Variants in CCDC181 observed in about 807,000 individuals in gnomAD.
CCDC181 encodes coiled-coil domain containing 181.
A neutral mutation model predicts 58.7 loss-of-function variants in CCDC181; 35 were observed. That is an observed-to-expected ratio of 0.60 (90% CI 0.46 to 0.79). The LOEUF is 0.79. CCDC181 is among the 30% of genes least tolerant of loss of function. The pLI is 0.00. For missense variants in CCDC181, 517 were observed against 583.9 expected, an observed-to-expected ratio of 0.89 and a Z score of 1.18; for synonymous variants, 183 against 197.5, an observed-to-expected ratio of 0.93 and a Z score of 0.62.
chr1:169,397,341 C>T lies in CCDC181; in HGVS notation c.1266G>A (p.Lys422=). ...GTCTTTCTTTCATCTGCTCTTCGTG[C>T]TTTTTTTTAAGCCATAATCGAAAAG... ...QQAFRLWLKK[K]HEEQMKERQT... The change falls in exon 5 of 6, where the codon AAG becomes AAA. Residue 422 remains lysine (K), a synonymous_variant. Coordinates refer to ENST00000367806, the MANE Select transcript of CCDC181 (RefSeq NM_001300969.2). 1.2e-6 allele frequency: 2 copies of T among 1,608,936 alleles called. No homozygotes were observed. Among genetic ancestry groups the T allele is most frequent in the Non-Finnish European group, 1.7e-6 (2 of 1,177,572 alleles).
intron 3 of CCDC181, 84 bp downstream of exon 3, chr1:169,421,279 T>C: frequency 9.3e-7 from 1 of 1,075,296 alleles, no homozygotes; most frequent in Non-Finnish European, 1.3e-6. Context: ...TCCAATGGTT[T>C]GAACAACTGT....
rs1299970878 is a variant in CCDC181 at position 169,420,084 on chromosome 1, TAA to T, written c.1069-927_1069-926del. 4.6e-5 allele frequency among the ~76,000 whole-genome samples: 7 copies of T among 152,362 alleles called. No individual in the cohort carries two copies. The East Asian group carries it at 1.3e-3, about 29-fold the overall frequency. ...AGAATTATCCATCCTTCACACCAGTTAAAGACTAACATCAGTTCATTAATAAA... is the reference window on the plus strand; with the variant it reads ...AGAATTATCCATCCTTCACACCAGTTAGACTAACATCAGTTCATTAATAAA... On this transcript the variant is annotated intron_variant, in intron 3 of 5. Transcript: ENST00000367806.
At chr1:169,422,998 A>G (rs1486484663) in intron 2 of CCDC181, among the ~76,000 whole-genome samples, 1 of 149,496 alleles carries the variant, frequency 6.7e-6, no homozygotes, top group Admixed American at 6.7e-5. Context: ...CTTCTGCTGT[A>G]TCTAACTAAA....
rs534709592 is a variant in CCDC181, at chr1:169,419,230, T to G, written c.1069-71A>C. The G allele has an allele frequency of 7.0e-6, 10 of 1,420,386 alleles. No individual in the cohort carries two copies. In the African/African-American group the frequency reaches 1.3e-4, roughly 18 times the overall value. The allele number at this position is 1,420,386 out of a possible 1,614,324, so 88.0% of individuals were successfully genotyped here. A position where few individuals can be genotyped will look rare whatever the true frequency, so the allele number is the denominator to read the frequency against. ...TGTATGAGTTATCAGAGTAGAGAGA[T>G]ATATTTTGAGATCTGAAATTAGGAT... On this transcript the variant is annotated intron_variant, in intron 3 of 5. Transcript: ENST00000367806.
At chr1:169,429,122 G>A (rs1014243826), upstream of CCDC181, among the ~76,000 whole-genome samples, 7 of 152,230 alleles carry the variant, frequency 4.6e-5, no homozygotes, top group Non-Finnish European at 8.8e-5. Flanking sequence ...AGGTAGCTAC[G>A]ATGCCACAAT....
intron 4 of CCDC181, among the ~76,000 whole-genome samples, chr1:169,414,676 C>T (rs1376602636): frequency 1.3e-5 from 2 of 152,120 alleles, no homozygotes; most frequent in African/African-American, 4.8e-5. Flanking sequence ...ATAAAAATTA[C>T]ATCACCTAAG....
chr1:169,403,787 A>G (rs1233340469), intron 4 of CCDC181, among the ~76,000 whole-genome samples: 10 of 152,250 alleles, frequency 6.6e-5, no homozygotes, highest in African/African-American at 1.9e-4. Flanking sequence ...AAAAGCTAGC[A>G]GAAGGCAAGA....
At chr1:169,413,924 CG>C (rs1398718386) in intron 4 of CCDC181, among the ~76,000 whole-genome samples, 6 of 151,880 alleles carry the variant, frequency 4.0e-5, no homozygotes, top group Non-Finnish European at 8.8e-5. Context: ...ATGTAGATGA[CG>C]GGTTGATGGG....
intron 4 of CCDC181, among the ~76,000 whole-genome samples, chr1:169,400,309 C>A (rs972283221): frequency 1.3e-5 from 2 of 152,300 alleles, no homozygotes; most frequent in South Asian, 4.1e-4. Flanking sequence ...AAAACAAAGT[C>A]TGACAGGATC....
At chr1:169,452,420 A>G (rs1017574789) in intron 2 of CCDC181, 2 of 152,124 alleles carry the variant, frequency 1.3e-5, no homozygotes, top group African/African-American at 4.8e-5. Flanking sequence ...AGTAGACAGC[A>G]GTACTGACAG....
upstream of CCDC181, among the ~76,000 whole-genome samples, chr1:169,430,823 C>G (rs561790649): frequency 3.3e-5 from 5 of 152,330 alleles, no homozygotes; most frequent in South Asian, 8.3e-4. Flanking sequence ...CAAATACCCA[C>G]TAGAGGTTTC....
intron 4 of CCDC181, among the ~76,000 whole-genome samples, chr1:169,406,402 G>A (rs908062034): frequency 2.6e-5 from 4 of 152,072 alleles, no homozygotes; most frequent in African/African-American, 4.8e-5. Flanking sequence ...CAACCCAAAC[G>A]TCCAACAATG....
rs774319500 is a variant in CCDC181 at position 169,421,458 on chromosome 1, G to A, written c.973C>T (p.His325Tyr). The A allele has an allele frequency of 1.9e-6, 3 of 1,613,952 alleles. No individual in the cohort carries two copies. Among genetic ancestry groups the A allele is most frequent in the Admixed American group, 3.3e-5 (2 of 59,968 alleles). The change falls in exon 3 of 6, where the codon CAT (histidine) becomes TAT (tyrosine). Residue 325 changes from histidine to tyrosine, a missense_variant. By Grantham distance (83) the His-to-Tyr change is moderately conservative (BLOSUM62 2). Transcript: ENST00000367806. ...GKSNHRTQSA[H>Y]ISPVTSTYCL... ...TATGTTGAAGTCACTGGTGAGATAT[G>A]TGCAGACTGTGTCCTGTGATTAGAT...
chr1:169,405,213 G>A (rs6427188), intron 4 of CCDC181, among the ~76,000 whole-genome samples: 81,269 of 152,054 alleles, frequency 0.53, 22,560 homozygotes, highest in Non-Finnish European at 0.6. Flanking sequence ...AATCAATATC[G>A]TGAAAATGGC....
At chr1:169,434,529 A>G (rs1446959273) in intron 2 of CCDC181, among the ~76,000 whole-genome samples, 1 of 152,044 alleles carries the variant, frequency 6.6e-6, no homozygotes, top group East Asian at 1.9e-4. Context: ...TGTTGAAGCA[A>G]CCCAAGTGAC....
At chr1:169,425,069 A>T in intron 1 of CCDC181, 119 bp from the exon 2 acceptor site, 1 of 469,700 alleles carries the variant, frequency 2.1e-6, no homozygotes, top group Non-Finnish European at 3.9e-6. Flanking sequence ...AGAATGTTCA[A>T]AATGAACATG....
intron 2 of CCDC181, among the ~76,000 whole-genome samples, chr1:169,446,374 G>T (rs1040466898): frequency 6.6e-6 from 1 of 152,106 alleles, no homozygotes; most frequent in Non-Finnish European, 1.5e-5. Context: ...AACCCAGGAG[G>T]CAGAGATTGT....
At chr1:169,453,908 C>T (rs986992028) in intron 2 of CCDC181, among the ~76,000 whole-genome samples, 44 of 151,932 alleles carry the variant, frequency 2.9e-4, no homozygotes, top group African/African-American at 9.9e-4. Context: ...TTTGAAATTA[C>T]CTCCACCTTA....
At position 169,422,293 on chromosome 1, in the gene CCDC181, C is replaced by A. The variant is rs778486747; in HGVS notation, c.138G>T (p.Glu46Asp). 11 of 1,558,350 alleles carry A rather than the reference C, an allele frequency of 7.1e-6. No homozygotes were observed. In the Admixed American group the frequency reaches 1.8e-4, roughly 25 times the overall value. The change falls in exon 3 of 6, where the codon GAG becomes GAT. Residue 46 changes from glutamate to aspartate, a missense_variant. Physicochemically the swap from Glu to Asp is conservative, Grantham distance 45 (BLOSUM62 2). Coordinates refer to ENST00000367806, the MANE Select transcript of CCDC181 (RefSeq NM_001300969.2). ...TCTCTTTTAAGTCTTGGTTAATATT[C>A]TCTTCCTTCTCACAAGCCATCTAAA... ...SIIEMACEKE[E>D]NINQDLKENE...
Sources: gnomAD v4.1 joint callset for allele counts (sites outside exome capture counted in the v4.1 genomes callset) on GRCh38, gnomAD v4.1.1 for gene constraint, MANE v1.5 for transcripts, NCBI Gene and HGNC (gene_info 2026-07-23, HGNC 2026-07-21) for gene names.